CSMD1: variants seen among roughly 807,000 people sequenced by gnomAD.
The protein encoded by CSMD1 is CUB and Sushi multiple domains 1.
In CSMD1, 213 loss-of-function variants were observed where a neutral mutation model predicts 417.5. The ratio of observed to expected loss-of-function variants is 0.51; its 90% CI spans 0.46 to 0.57. CSMD1 has a LOEUF of 0.57. CSMD1 is among the 20% of genes least tolerant of loss of function. The probability of loss-of-function intolerance (pLI) is 0.00; values close to 1 mark genes in which losing one functional copy is unlikely to be tolerated. For missense variants in CSMD1, 6,923 were observed against 4,529.7 expected, an observed-to-expected ratio of 1.53 and a Z score of -15.17; for synonymous variants, 2,862 against 1,736.8, an observed-to-expected ratio of 1.65 and a Z score of -16.11.
intron 1 of CSMD1, among the ~76,000 whole-genome samples, chr8:4,686,469 C>T (rs1806393836): frequency 6.6e-6 from 1 of 152,176 alleles, no homozygotes; most frequent in African/African-American, 2.4e-5. Context: ...AGGGGGCCTC[C>T]CCATACCTAG....
chr8:4,823,475 A>T (rs1426174256), intron 1 of CSMD1, among the ~76,000 whole-genome samples: 1 of 152,054 alleles, frequency 6.6e-6, no homozygotes, highest in Non-Finnish European at 1.5e-5. Flanking sequence ...AGGGCAACCG[A>T]GGATTCCATA....
chr8:3,796,756 A>G (rs898243240), intron 5 of CSMD1, among the ~76,000 whole-genome samples: 1 of 151,246 alleles, frequency 6.6e-6, no homozygotes, highest in Non-Finnish European at 1.5e-5. Flanking sequence ...TTGCAATTAT[A>G]CAAAATATTC....
chr8:4,145,639 T>G (rs1244721753), intron 3 of CSMD1, among the ~76,000 whole-genome samples: 1 of 150,882 alleles, frequency 6.6e-6, no homozygotes, highest in Non-Finnish European at 1.5e-5. Context: ...TCCTGCCCAC[T>G]TGGCCTCTCA....
At position 3,435,099 on chromosome 8, in the gene CSMD1, G is replaced by A. The variant is rs79745164; in HGVS notation, c.1562-25494C>T. 6.6e-3 allele frequency among the ~76,000 whole-genome samples: 1,006 copies of A among 152,154 alleles called. 6 individuals carry two copies. The highest frequency in any genetic ancestry group is 0.022 in the African/African-American group (924 of 41,516). On this transcript the variant is annotated intron_variant, in intron 12 of 69. Transcript: ENST00000635120. ...CTTTGGCAATCCATGGAAGAGAGAC[G>A]GAGAGACAGCACACCCCTACTTCAC...
At chr8:3,101,937 GA>G (rs1409000644) in intron 46 of CSMD1, among the ~76,000 whole-genome samples, 1 of 151,598 alleles carries the variant, frequency 6.6e-6, no homozygotes, top group Non-Finnish European at 1.5e-5. Flanking sequence ...GAGCAGCTGG[GA>G]TTACAGATGT....
At chr8:3,346,988 G>A (rs1585032966) in intron 22 of CSMD1, among the ~76,000 whole-genome samples, 1 of 152,212 alleles carries the variant, frequency 6.6e-6, no homozygotes, top group East Asian at 1.9e-4. Flanking sequence ...TAGCAGGGGA[G>A]TCCAATATTT....
intron 1 of CSMD1, among the ~76,000 whole-genome samples, chr8:4,907,006 T>C (rs949625124): frequency 2.6e-5 from 4 of 152,224 alleles, no homozygotes; most frequent in Admixed American, 6.5e-5. Context: ...ACTTAATTCA[T>C]CTATATGTCT....
chr8:4,729,979 C>G (rs1809737106), intron 1 of CSMD1, among the ~76,000 whole-genome samples: 1 of 152,180 alleles, frequency 6.6e-6, no homozygotes, highest in Non-Finnish European at 1.5e-5. Flanking sequence ...GGACAAATCA[C>G]TTCTCCTCTC....
At chr8:4,004,763 G>C (rs1224415674) in intron 4 of CSMD1, among the ~76,000 whole-genome samples, 1 of 151,892 alleles carries the variant, frequency 6.6e-6, no homozygotes, top group East Asian at 1.9e-4. Flanking sequence ...TTTTGTTTTT[G>C]AGATGGCGTC....
intron 7 of CSMD1, among the ~76,000 whole-genome samples, chr8:3,691,268 T>C (rs1394857711): frequency 4.0e-5 from 6 of 151,828 alleles, no homozygotes; most frequent in African/African-American, 1.5e-4. Context: ...CTCAGGAGGC[T>C]GAAGCAGGAG....
chr8:4,798,174 A>C (rs559399659), intron 1 of CSMD1, among the ~76,000 whole-genome samples: 159 of 152,106 alleles, frequency 1.0e-3, no homozygotes, highest in Admixed American at 2.7e-3. Flanking sequence ...TCCCCCACCC[A>C]ATGACAGGCC....
At chr8:3,401,218 T>C (rs1205048546) in intron 15 of CSMD1, among the ~76,000 whole-genome samples, 1 of 152,050 alleles carries the variant, frequency 6.6e-6, no homozygotes, top group Non-Finnish European at 1.5e-5. Flanking sequence ...TCCAAAAAAA[T>C]TATGATAGTT....
At chr8:4,802,158 A>G (rs746993757) in intron 1 of CSMD1, among the ~76,000 whole-genome samples, 3 of 152,196 alleles carry the variant, frequency 2.0e-5, no homozygotes, top group Non-Finnish European at 4.4e-5. Flanking sequence ...CAATTGCACA[A>G]AGGAACTCAT....
chr8:4,500,296 G>T (rs767034179), intron 2 of CSMD1, among the ~76,000 whole-genome samples: 2 of 152,154 alleles, frequency 1.3e-5, no homozygotes, highest in Non-Finnish European at 2.9e-5. Context: ...GCCAATTTTT[G>T]TGCATAGGTT....
At chr8:4,145,086 A>G (rs1804028847) in intron 3 of CSMD1, among the ~76,000 whole-genome samples, 1 of 151,272 alleles carries the variant, frequency 6.6e-6, no homozygotes. Context: ...TAAGGATGTT[A>G]AAAATGTAAC....
At chr8:3,529,844 C>A (rs1317053164) in intron 10 of CSMD1, among the ~76,000 whole-genome samples, 5 of 152,166 alleles carry the variant, frequency 3.3e-5, no homozygotes, top group African/African-American at 1.2e-4. Context: ...CCTACATTTT[C>A]TTGGACAATA....
chr8:3,990,643 G>A (rs559371193), intron 5 of CSMD1, among the ~76,000 whole-genome samples: 31 of 152,218 alleles, frequency 2.0e-4, no homozygotes, highest in African/African-American at 7.2e-5. Flanking sequence ...TACTTAACCC[G>A]AATTAAAGGA....
intron 2 of CSMD1, among the ~76,000 whole-genome samples, chr8:4,496,203 C>A (rs1158944681): frequency 1.3e-5 from 2 of 152,308 alleles, no homozygotes; most frequent in East Asian, 3.9e-4. Flanking sequence ...TTATCCTGCT[C>A]ATTTTCACTT....
At chr8:4,844,472 T>G (rs1274618572) in intron 1 of CSMD1, among the ~76,000 whole-genome samples, 1 of 152,184 alleles carries the variant, frequency 6.6e-6, no homozygotes, top group Non-Finnish European at 1.5e-5. Flanking sequence ...GCCATCTTTT[T>G]GCTCATAACA....
Sources: gnomAD v4.1 joint callset for allele counts (sites outside exome capture counted in the v4.1 genomes callset) on GRCh38, gnomAD v4.1.1 for gene constraint, MANE v1.5 for transcripts, NCBI Gene and HGNC (gene_info 2026-07-23, HGNC 2026-07-21) for gene names.